Variants in SRGAP1 observed in about 807,000 individuals in gnomAD.
SRGAP1 encodes SLIT-ROBO Rho GTPase-activating protein 1.
Under a neutral mutation model 121.9 loss-of-function variants are expected in SRGAP1, and 43 were observed. The ratio of observed to expected loss-of-function variants is 0.35; its 90% CI spans 0.28 to 0.46. SRGAP1 has a LOEUF of 0.46. SRGAP1 is among the 20% of genes least tolerant of loss of function. The pLI, the probability that SRGAP1 is intolerant of heterozygous loss-of-function variation, is 1.00. For missense variants in SRGAP1, 1,102 were observed against 1,350.9 expected (o/e 0.82, Z 2.89); for synonymous variants, 447 against 485.4 (o/e 0.92, Z 1.04).
At chr12:64,010,261 T>C (rs527519861) in intron 3 of SRGAP1, among the ~76,000 whole-genome samples, 1 of 152,280 alleles carries the variant, frequency 6.6e-6, no homozygotes, top group Non-Finnish European at 1.5e-5. Flanking sequence ...TTAAAAATAC[T>C]TCTGTAAAAG....
chr12:64,083,505 A>C (rs2035884992), intron 10 of SRGAP1, among the ~76,000 whole-genome samples: 1 of 152,204 alleles, frequency 6.6e-6, no homozygotes, highest in South Asian at 2.1e-4. Flanking sequence ...GCACTGTCAA[A>C]ATTCAGAATT....
chr12:64,003,683 C>G (rs1303182316), intron 3 of SRGAP1, among the ~76,000 whole-genome samples: 1 of 151,844 alleles, frequency 6.6e-6, no homozygotes, highest in Non-Finnish European at 1.5e-5. Flanking sequence ...AAAAAATGAA[C>G]AGAGCCTCAG....
At position 63,876,791 on chromosome 12, in the gene SRGAP1, A is replaced by G. The variant is rs111943723; in HGVS notation, c.67+31908A>G. Reference sequence around the variant, plus strand: ...TTTTAGGATCATGTAGTATTTAACTATTTTCTCAATATAGTTTATATCATT... The same window carrying G: ...TTTTAGGATCATGTAGTATTTAACTGTTTTCTCAATATAGTTTATATCATT... On this transcript the variant is annotated intron_variant, in intron 1 of 21. Coordinates refer to ENST00000355086, the MANE Select transcript of SRGAP1 (RefSeq NM_020762.4). Among the ~76,000 whole-genome samples, 510 of 152,282 alleles carry G rather than the reference A, an allele frequency of 3.3e-3. 2 individuals carry two copies. The highest frequency in any genetic ancestry group is 0.012 in the African/African-American group (483 of 41,552).
chr12:64,087,218 C>A (rs1338358570), intron 11 of SRGAP1, among the ~76,000 whole-genome samples, 192 bp downstream of exon 11: 3 of 152,020 alleles, frequency 2.0e-5, no homozygotes, highest in Non-Finnish European at 2.9e-5. Flanking sequence ...TTTTTGTTTC[C>A]CTCTGGAATT....
chr12:63,948,104 G>A (rs943869863), intron 1 of SRGAP1, among the ~76,000 whole-genome samples: 25 of 151,956 alleles, frequency 1.6e-4, no homozygotes, highest in Non-Finnish European at 1.5e-5. Context: ...ATTATGTCAG[G>A]TGAAAATATC....
intron 8 of SRGAP1, among the ~76,000 whole-genome samples, chr12:64,072,106 C>CTCTGTGTGTG (rs1246563474): frequency 5.3e-5 from 2 of 37,770 alleles, no homozygotes; most frequent in South Asian, 1.9e-3. Flanking sequence ...CCCAATCTCT[C>CTCTGTGTGTG]TCTGTGTGTG....
At chr12:63,922,054 C>T (rs193286690) in intron 1 of SRGAP1, among the ~76,000 whole-genome samples, 6 of 151,932 alleles carry the variant, frequency 3.9e-5, no homozygotes, top group Admixed American at 3.9e-4. Context: ...TCTTGGCTCA[C>T]TACAGCTTCT....
chr12:64,114,788 CAGAGT>C (rs757137541), intron 17 of SRGAP1, among the ~76,000 whole-genome samples: 3 of 152,216 alleles, frequency 2.0e-5, no homozygotes, highest in Non-Finnish European at 4.4e-5. Flanking sequence ...TTTTTCCAGA[CAGAGT>C]AAAGCTCCCA....
intron 4 of SRGAP1, chr12:64,032,465 C>T: frequency 2.3e-6 from 2 of 882,406 alleles, no homozygotes; most frequent in Non-Finnish European, 3.8e-6. Context: ...CATTGGATTG[C>T]TTTGTGGGTC....
At chr12:64,115,925 A>T in intron 18 of SRGAP1, 32 bp downstream of exon 18, 2 of 1,544,864 alleles carry the variant, frequency 1.3e-6, no homozygotes, top group Non-Finnish European at 1.8e-6. Flanking sequence ...TTATAAAGCC[A>T]GTCTTTATAT....
intron 1 of SRGAP1, among the ~76,000 whole-genome samples, chr12:63,892,021 A>G (rs921290906): frequency 5.9e-5 from 9 of 151,758 alleles, no homozygotes; most frequent in Non-Finnish European, 1.2e-4. Flanking sequence ...AAAAGAAAAG[A>G]GATGAAGGTC....
intron 1 of SRGAP1, among the ~76,000 whole-genome samples, chr12:63,899,372 G>A (rs562298933): frequency 2.0e-5 from 3 of 151,648 alleles, no homozygotes; most frequent in Admixed American, 1.3e-4. Context: ...CTACATAATA[G>A]GAATATTACA....
At position 64,078,233 on chromosome 12, in the gene SRGAP1, T is replaced by C. The variant is rs185980568; in HGVS notation, c.1126-686T>C. ...ATGTGTGACTAAACAAAAATGTGTT[T>C]ATAGCAGCATTATTCAAAATAGCCC... is the stretch of plus-strand genomic sequence containing the variant. On this transcript the variant is annotated intron_variant, in intron 8 of 21. Coordinates refer to ENST00000355086, the MANE Select transcript of SRGAP1 (RefSeq NM_020762.4). Among the ~76,000 whole-genome samples the C allele has an allele frequency of 1.8e-4, 28 of 152,338 alleles. No homozygotes were observed. In the East Asian group the frequency reaches 5.4e-3, roughly 29 times the overall value.
At chr12:63,982,250 A>G (rs1259757694) in intron 1 of SRGAP1, among the ~76,000 whole-genome samples, 1 of 152,012 alleles carries the variant, frequency 6.6e-6, no homozygotes, top group Non-Finnish European at 1.5e-5. Context: ...AAGAAAGAAA[A>G]AAAAAACAAG....
At chr12:63,940,276 C>A (rs2031818869) in intron 1 of SRGAP1, among the ~76,000 whole-genome samples, 1 of 151,764 alleles carries the variant, frequency 6.6e-6, no homozygotes, top group Non-Finnish European at 1.5e-5. Flanking sequence ...TCTCCCATTT[C>A]TTACTACTGA....
intron 1 of SRGAP1, among the ~76,000 whole-genome samples, chr12:63,876,135 GA>G: frequency 6.6e-6 from 1 of 152,100 alleles, no homozygotes; most frequent in Non-Finnish European, 1.5e-5. Context: ...GAGTTAAACT[GA>G]AAAGATTGAA....
At chr12:63,985,777 C>A (rs2033396570) in intron 2 of SRGAP1, among the ~76,000 whole-genome samples, 1 of 152,150 alleles carries the variant, frequency 6.6e-6, no homozygotes, top group African/African-American at 2.4e-5. Context: ...ATCCCAGAAC[C>A]AGAAGAGCTA....
chr12:63,949,396 T>A (rs1236759872), intron 1 of SRGAP1, among the ~76,000 whole-genome samples: 2 of 126,072 alleles, frequency 1.6e-5, no homozygotes, highest in South Asian at 2.7e-4. Flanking sequence ...ATTTTTATTA[T>A]TTATTATTAT....
chr12:64,077,142 T>A (rs1565670154), intron 8 of SRGAP1, among the ~76,000 whole-genome samples: 1 of 152,070 alleles, frequency 6.6e-6, no homozygotes, highest in Non-Finnish European at 1.5e-5. Flanking sequence ...TTAAAGCAGC[T>A]GGAAAAAGAA....
Sources: gnomAD v4.1 joint callset for allele counts (sites outside exome capture counted in the v4.1 genomes callset) on GRCh38, gnomAD v4.1.1 for gene constraint, MANE v1.5 for transcripts, NCBI Gene and HGNC (gene_info 2026-07-23, HGNC 2026-07-21) for gene names.